The following PTPRM variants were observed in gnomAD, a reference collection of about 807,000 sequenced individuals.
The protein encoded by PTPRM is receptor-type tyrosine-protein phosphatase mu.
PTPRM carries 47 observed loss-of-function variants against 186.7 expected under a neutral mutation model. The ratio of observed to expected loss-of-function variants is 0.25; its 90% CI spans 0.20 to 0.32. PTPRM has a LOEUF of 0.32. Ranked by LOEUF, PTPRM falls within the 10% of genes least tolerant of loss-of-function variation. The probability of loss-of-function intolerance (pLI) is 1.00; values close to 1 mark genes in which losing one functional copy is unlikely to be tolerated. For synonymous variants in PTPRM, 668 were observed against 674.9 expected, an observed-to-expected ratio of 0.99 and a Z score of 0.16; for missense variants, 1,494 against 1,865.0, an observed-to-expected ratio of 0.80 and a Z score of 3.66.
At chr18:8,014,092 T>C (rs2084706890) in intron 7 of PTPRM, among the ~76,000 whole-genome samples, 1 of 152,154 alleles carries the variant, frequency 6.6e-6, no homozygotes, top group Admixed American at 6.5e-5. Context: ...AGTATAAGAA[T>C]AATGAGATCT....
intron 19 of PTPRM, among the ~76,000 whole-genome samples, chr18:8,271,451 G>A (rs944526435): frequency 6.6e-6 from 1 of 151,870 alleles, no homozygotes; most frequent in Non-Finnish European, 1.5e-5. Flanking sequence ...ATGTTCATAG[G>A]CGAGTCTAAT....
intron 23 of PTPRM, among the ~76,000 whole-genome samples, chr18:8,357,164 C>T (rs569465671): frequency 2.0e-5 from 3 of 152,286 alleles, no homozygotes; most frequent in South Asian, 2.1e-4. Flanking sequence ...GAGAGCCCTC[C>T]GCTCCCATGT....
chr18:7,622,214 C>G (rs991816225), intron 1 of PTPRM, among the ~76,000 whole-genome samples: 1 of 152,028 alleles, frequency 6.6e-6, no homozygotes, highest in Non-Finnish European at 1.5e-5. Flanking sequence ...ATAACATGGC[C>G]TGCAATTTCT....
intron 14 of PTPRM, among the ~76,000 whole-genome samples, chr18:8,242,145 C>T (rs1446199192): frequency 6.6e-6 from 1 of 152,036 alleles, no homozygotes; most frequent in East Asian, 1.9e-4. Context: ...AAGAGGAAAG[C>T]CTAGTAAAGT....
At chr18:7,653,952 G>A (rs140467076) in intron 1 of PTPRM, among the ~76,000 whole-genome samples, 67 of 152,194 alleles carry the variant, frequency 4.4e-4, no homozygotes, top group African/African-American at 1.5e-3. Flanking sequence ...TAAGTGTTCT[G>A]TTTTCTCTGC....
intron 14 of PTPRM, among the ~76,000 whole-genome samples, chr18:8,151,586 G>A (rs1338899593): frequency 6.6e-6 from 1 of 150,902 alleles, no homozygotes; most frequent in Non-Finnish European, 1.5e-5. Flanking sequence ...GCTCCATGAG[G>A]GTGGGACCCA....
At chr18:7,953,652 A>G (rs1056377974) in intron 6 of PTPRM, among the ~76,000 whole-genome samples, 1 of 152,180 alleles carries the variant, frequency 6.6e-6, no homozygotes, top group Non-Finnish European at 1.5e-5. Context: ...CCTTGAATAT[A>G]AAAAAGAACT....
At chr18:8,343,602 G>C in intron 23 of PTPRM, 82 bp downstream of exon 23, 3 of 1,241,824 alleles carry the variant, frequency 2.4e-6, no homozygotes, top group Middle Eastern at 3.8e-4. Flanking sequence ...GCAAGCTTTT[G>C]AACTATTATG....
chr18:8,002,995 A>C (rs1942950), intron 7 of PTPRM, among the ~76,000 whole-genome samples: 3,177 of 152,280 alleles, frequency 0.021, 97 homozygotes, highest in East Asian at 0.1. Context: ...ATTAGGACCA[A>C]AAAGATGAAA....
At chr18:7,899,928 CAT>C (rs1231022177) in intron 3 of PTPRM, among the ~76,000 whole-genome samples, 17 of 152,142 alleles carry the variant, frequency 1.1e-4, no homozygotes, top group African/African-American at 3.1e-4. Context: ...GAAAACCACA[CAT>C]GTGATATAAT....
chr18:8,178,289 G>T (rs2093516983), intron 14 of PTPRM, among the ~76,000 whole-genome samples: 1 of 152,142 alleles, frequency 6.6e-6, no homozygotes, highest in African/African-American at 2.4e-5. Flanking sequence ...AAAAAGAACT[G>T]ATGAGACTAG....
intron 4 of PTPRM, among the ~76,000 whole-genome samples, chr18:7,914,938 G>A (rs147541040): frequency 3.4e-3 from 516 of 152,242 alleles, no homozygotes; most frequent in African/African-American, 0.011. Flanking sequence ...ACATTAAAAT[G>A]TAAGTTAAAG....
intron 2 of PTPRM, among the ~76,000 whole-genome samples, chr18:7,822,160 C>G (rs2045234323): frequency 6.6e-6 from 1 of 152,116 alleles, no homozygotes; most frequent in Non-Finnish European, 1.5e-5. Context: ...TATACTTTAC[C>G]TCTCTCTGAT....
intron 31 of PTPRM, among the ~76,000 whole-genome samples, chr18:8,388,034 T>A (rs892842107): frequency 2.0e-5 from 3 of 152,090 alleles, no homozygotes; most frequent in Non-Finnish European, 2.9e-5. Flanking sequence ...GTGTTTTTTT[T>A]AAATGCCTAG....
intron 2 of PTPRM, among the ~76,000 whole-genome samples, chr18:7,806,575 A>G (rs1227335394): frequency 6.6e-6 from 1 of 152,224 alleles, no homozygotes; most frequent in African/African-American, 2.4e-5. Context: ...AAAGGGCATC[A>G]TTGTCTTGGA....
chr18:8,334,127 A>T (rs890051780), intron 22 of PTPRM, among the ~76,000 whole-genome samples: 3 of 152,194 alleles, frequency 2.0e-5, no homozygotes, highest in Non-Finnish European at 4.4e-5. Context: ...GCATATAAAG[A>T]GCAGCATCCA....
At chr18:8,199,046 C>G (rs1367182339) in intron 14 of PTPRM, among the ~76,000 whole-genome samples, 1 of 152,044 alleles carries the variant, frequency 6.6e-6, no homozygotes, top group East Asian at 1.9e-4. Flanking sequence ...TCAGATCATG[C>G]CTGCTCCATC....
At chr18:8,206,373 G>A (rs966939371) in intron 14 of PTPRM, among the ~76,000 whole-genome samples, 1 of 151,958 alleles carries the variant, frequency 6.6e-6, no homozygotes, top group African/African-American at 2.4e-5. Context: ...TCCTGCCTCA[G>A]CCTCCCGAGT....
Position 7,845,123 on chromosome 18 carries a change from A to AT in PTPRM, c.197-42979dup, listed in dbSNP as rs575849963. Among the ~76,000 whole-genome samples, 386 of 152,256 alleles carry AT rather than the reference A, an allele frequency of 2.5e-3. 3 individuals carry two copies. Among genetic ancestry groups the AT allele is most frequent in the African/African-American group, 8.7e-3 (361 of 41,562 alleles). On this transcript the variant is annotated intron_variant, in intron 2 of 32. Coordinates refer to ENST00000580170, the MANE Select transcript of PTPRM (RefSeq NM_001105244.2). ...GGCACTGACTTAACACGTTTCTGAG[A>AT]TTTTATTAAGGGCTTTTATAGTGTA...
Sources: gnomAD v4.1 joint callset for allele counts (sites outside exome capture counted in the v4.1 genomes callset) on GRCh38, gnomAD v4.1.1 for gene constraint, MANE v1.5 for transcripts, NCBI Gene and HGNC (gene_info 2026-07-23, HGNC 2026-07-21) for gene names.